COL26A1: variants seen among roughly 807,000 people sequenced by gnomAD.
COL26A1 encodes the protein collagen type XXVI alpha 1 chain.
Under a neutral mutation model 59.3 loss-of-function variants are expected in COL26A1, and 41 were observed. The observed-to-expected ratio is 0.69, with a 90% CI of 0.54 to 0.90. COL26A1 has a LOEUF of 0.90. Among genes scored for constraint, COL26A1 ranks in the 40% least tolerant of loss-of-function variants. The pLI is 0.00. For missense variants in COL26A1, 612 were observed against 602.3 expected, an observed-to-expected ratio of 1.02 and a Z score of -0.17; for synonymous variants, 266 against 256.0, an observed-to-expected ratio of 1.04 and a Z score of -0.37.
chr7:101,535,579 C>T (rs1398331710), intron 4 of COL26A1, among the ~76,000 whole-genome samples: 6 of 152,220 alleles, frequency 3.9e-5, no homozygotes, highest in Non-Finnish European at 2.9e-5. Flanking sequence ...TGGCCTCCAG[C>T]AGCAGGCCCG....
chr7:101,498,906 G>A (rs1045707085), intron 3 of COL26A1, among the ~76,000 whole-genome samples: 3 of 152,150 alleles, frequency 2.0e-5, no homozygotes, highest in East Asian at 1.9e-4. Flanking sequence ...GGTCTTCATC[G>A]AGCGCTCTCA....
At chr7:101,524,598 A>T (rs1358542517) in intron 3 of COL26A1, among the ~76,000 whole-genome samples, 1 of 152,178 alleles carries the variant, frequency 6.6e-6, no homozygotes, top group Non-Finnish European at 1.5e-5. Context: ...AACATAGTAT[A>T]TCTTTCCATT....
Position 101,509,538 on chromosome 7 carries a change from G to A in COL26A1, c.386-23544G>A, listed in dbSNP as rs533995113. Among the ~76,000 whole-genome samples the A allele has an allele frequency of 1.3e-4, 20 of 152,238 alleles. 1 individual carries two copies. The South Asian group carries it at 3.7e-3, about 28-fold the overall frequency. ...GAGCAATGGCATCTCACTAAGGCTG[G>A]TAAACTCACTAATGGGATGCCAGTC... On this transcript the variant is annotated intron_variant, in intron 3 of 12. Coordinates refer to ENST00000313669, the MANE Select transcript of COL26A1 (RefSeq NM_001278563.3).
intron 3 of COL26A1, among the ~76,000 whole-genome samples, chr7:101,510,792 T>C (rs1179807879): frequency 6.6e-6 from 1 of 152,190 alleles, no homozygotes; most frequent in South Asian, 2.1e-4. Context: ...AACATTGGGA[T>C]TACAGGCGTG....
intron 3 of COL26A1, among the ~76,000 whole-genome samples, chr7:101,474,894 A>G (rs1322833645): frequency 6.6e-6 from 1 of 152,298 alleles, no homozygotes; most frequent in East Asian, 1.9e-4. Context: ...TGATTGCACA[A>G]AAAGAGTATG....
intron 1 of COL26A1, among the ~76,000 whole-genome samples, chr7:101,415,519 C>T (rs1792352892): frequency 6.6e-6 from 1 of 152,142 alleles, no homozygotes; most frequent in African/African-American, 2.4e-5. Flanking sequence ...ATCACTCTGC[C>T]TAAGTCATAC....
chr7:101,554,117 G>A (rs1795917664), intron 11 of COL26A1, among the ~76,000 whole-genome samples: 1 of 152,162 alleles, frequency 6.6e-6, no homozygotes, highest in South Asian at 2.1e-4. Flanking sequence ...GGACACAGCT[G>A]AGGACAGCAG....
chr7:101,525,749 G>C (rs1336535739), intron 3 of COL26A1, among the ~76,000 whole-genome samples: 1 of 152,100 alleles, frequency 6.6e-6, no homozygotes, highest in South Asian at 2.1e-4. Flanking sequence ...GCCCACCTTG[G>C]CCTCCCAAAG....
chr7:101,439,834 C>T (rs1793010146), intron 2 of COL26A1, among the ~76,000 whole-genome samples: 1 of 152,122 alleles, frequency 6.6e-6, no homozygotes, highest in Non-Finnish European at 1.5e-5. Flanking sequence ...CACCCCGCTC[C>T]AGAGCTGTGT....
chr7:101,494,558 A>G (rs371705928), intron 3 of COL26A1, among the ~76,000 whole-genome samples: 58 of 152,346 alleles, frequency 3.8e-4, no homozygotes, highest in African/African-American at 1.4e-3. Flanking sequence ...CTATCCTTGG[A>G]CCCTGGCTAA....
chr7:101,417,952 T>C (rs1317112122), intron 1 of COL26A1, among the ~76,000 whole-genome samples: 1 of 152,158 alleles, frequency 6.6e-6, no homozygotes, highest in East Asian at 1.9e-4. Context: ...CTCGAACTCC[T>C]GACCTCAGGT....
chr7:101,462,859 G>A (rs1360315357), intron 3 of COL26A1, among the ~76,000 whole-genome samples: 1 of 151,852 alleles, frequency 6.6e-6, no homozygotes, highest in African/African-American at 2.4e-5. Context: ...GGAGGGACTT[G>A]CAGGCAAGGT....
chr7:101,398,646 C>A (rs1791919877), intron 1 of COL26A1, among the ~76,000 whole-genome samples: 2 of 152,074 alleles, frequency 1.3e-5, no homozygotes, highest in African/African-American at 4.8e-5. Flanking sequence ...GACTTTGCAC[C>A]AAGGGCAAAT....
intron 1 of COL26A1, among the ~76,000 whole-genome samples, chr7:101,400,855 G>A (rs1364506272): frequency 6.6e-6 from 1 of 152,090 alleles, no homozygotes; most frequent in African/African-American, 2.4e-5. Flanking sequence ...CACTGCGCCC[G>A]ACCCACACCG....
intron 1 of COL26A1, among the ~76,000 whole-genome samples, chr7:101,414,432 TTGTGTGTGTGTG>T (rs34282686): frequency 1.4e-5 from 2 of 146,180 alleles, no homozygotes; most frequent in African/African-American, 2.5e-5. Flanking sequence ...CACTCTGTGT[TTGTGTGTGTGTG>T]TGTGTGTGTG....
chr7:101,487,795 C>T (rs1449695515), intron 3 of COL26A1, among the ~76,000 whole-genome samples: 1 of 152,166 alleles, frequency 6.6e-6, no homozygotes, highest in African/African-American at 2.4e-5. Flanking sequence ...CAGAAAAGAT[C>T]ACCTTCAGGG....
chr7:101,398,533 C>T (rs550292257), intron 1 of COL26A1, among the ~76,000 whole-genome samples: 96 of 152,298 alleles, frequency 6.3e-4, no homozygotes, highest in African/African-American at 2.2e-3. Flanking sequence ...TCACAGAGAA[C>T]CCAAGCAGCC....
At chr7:101,385,930 C>T (rs2117040334) in intron 1 of COL26A1, among the ~76,000 whole-genome samples, 1 of 152,060 alleles carries the variant, frequency 6.6e-6, no homozygotes, top group Middle Eastern at 3.4e-3. Context: ...CTAGGATGGT[C>T]TCGATCTCCT....
intron 3 of COL26A1, among the ~76,000 whole-genome samples, chr7:101,449,652 C>T (rs1456404651): frequency 1.3e-5 from 2 of 151,970 alleles, no homozygotes; most frequent in African/African-American, 4.8e-5. Context: ...TGCCTGTAGT[C>T]CCAGGTACTC....
Sources: gnomAD v4.1 joint callset for allele counts (sites outside exome capture counted in the v4.1 genomes callset) on GRCh38, gnomAD v4.1.1 for gene constraint, MANE v1.5 for transcripts, NCBI Gene and HGNC (gene_info 2026-07-23, HGNC 2026-07-21) for gene names.